Variants in RNF212B observed in about 807,000 individuals in gnomAD.
The protein encoded by RNF212B is E3 ubiquitin-protein ligase RNF212B.
A neutral mutation model predicts 55.5 loss-of-function variants in RNF212B; 52 were observed. The observed-to-expected ratio is 0.94, with a 90% CI of 0.75 to 1.18. The LOEUF is 1.18. RNF212B is among the 50% of genes most tolerant of loss of function. RNF212B has a pLI of 0.00. For missense variants in RNF212B, 289 were observed against 350.4 expected, an observed-to-expected ratio of 0.82 and a Z score of 1.40; for synonymous variants, 99 against 121.4, an observed-to-expected ratio of 0.82 and a Z score of 1.21.
chr14:23,213,584 C>A (rs1333978940), intron 2 of RNF212B, among the ~76,000 whole-genome samples: 1 of 152,128 alleles, frequency 6.6e-6, no homozygotes, highest in East Asian at 1.9e-4. Flanking sequence ...CACCCCGACT[C>A]GGCAGCAAGA....
intron 2 of RNF212B, among the ~76,000 whole-genome samples, chr14:23,197,289 G>A (rs1878812635): frequency 6.6e-6 from 1 of 152,264 alleles, no homozygotes. Flanking sequence ...CACTTTGGGA[G>A]GCTGAGGCAG....
chr14:23,255,660 T>A (rs1407258443), intron 4 of RNF212B, among the ~76,000 whole-genome samples: 1 of 151,774 alleles, frequency 6.6e-6, no homozygotes, highest in African/African-American at 2.4e-5. Context: ...GGACCAGGAG[T>A]TCAAGACCAG....
chr14:23,260,671 C>A lies in RNF212B; in HGVS notation c.418C>A (p.Arg140=). ...FLAILKESPS[R]YQGSRSITPR... The stretch of plus-strand genomic sequence containing the variant: ...TTTTCACCTATAGGAATCTCCAAGT[C>A]GGTACCAAGGAAGCAGGTCAGTTTT... The change falls in exon 7 of 15, where the codon CGG becomes AGG. Residue 140 remains arginine, a synonymous_variant. Transcript: ENST00000430154. 2 of 1,550,452 alleles carry A rather than the reference C, an allele frequency of 1.3e-6. No individual in the cohort carries two copies. The highest frequency in any genetic ancestry group is 1.7e-6 in the Non-Finnish European group (2 of 1,146,934).
chr14:23,268,348 T>C (rs1001400150), intron 11 of RNF212B, among the ~76,000 whole-genome samples: 2 of 152,200 alleles, frequency 1.3e-5, no homozygotes, highest in African/African-American at 4.8e-5. Context: ...AAGGCTATCA[T>C]GGAGGTGGAG....
At chr14:23,244,284 T>C in intron 3 of RNF212B, 38 bp from the exon 4 acceptor site, 5 of 1,199,174 alleles carry the variant, frequency 4.2e-6, no homozygotes, top group Non-Finnish European at 5.9e-6. Context: ...TTTATTCAAT[T>C]GTGGATATTC....
chr14:23,272,914 T>TA lies in RNF212B; in HGVS notation c.*24dup, dbSNP rs759080014. 7.1e-7 allele frequency: 1 copy of TA among 1,406,074 alleles called. No homozygotes were observed. Among genetic ancestry groups the TA allele is most frequent in the South Asian group, 1.3e-5 (1 of 76,694 alleles). The allele number at this position is 1,406,074 out of a possible 1,614,324, so 87.1% of individuals were successfully genotyped here. A position where few individuals can be genotyped will look rare whatever the true frequency, so the allele number is the denominator to read the frequency against. On this transcript the variant is annotated 3_prime_UTR_variant, in exon 15 of 15. Transcript: ENST00000430154. The stretch of plus-strand genomic sequence containing the variant: ...TAGATCATCTTCAAGATCTGATCTA[T>TA]ACATGCTGCTGAAGGATGGACTGTA...
intron 1 of RNF212B, chr14:23,188,254 G>A (rs1002820890): frequency 4.6e-5 from 7 of 152,202 alleles, no homozygotes; most frequent in African/African-American, 1.7e-4. Flanking sequence ...CATGGAGCCA[G>A]CCCAGCACTA....
intron 2 of RNF212B, among the ~76,000 whole-genome samples, chr14:23,202,166 G>A (rs1203227001): frequency 6.6e-6 from 1 of 150,930 alleles, no homozygotes; most frequent in African/African-American, 2.4e-5. Context: ...CAGGAGAACT[G>A]CTTGAACCCA....
chr14:23,244,055 G>A (rs1346807401), intron 3 of RNF212B, among the ~76,000 whole-genome samples: 2 of 152,010 alleles, frequency 1.3e-5, no homozygotes, highest in Non-Finnish European at 2.9e-5. Context: ...TCCAGCCTGG[G>A]TGACAACAGC....
chr14:23,215,070 AG>A (rs771688099), intron 2 of RNF212B, among the ~76,000 whole-genome samples: 12 of 152,166 alleles, frequency 7.9e-5, no homozygotes, highest in Non-Finnish European at 1.6e-4. Context: ...GTGTTGAGGG[AG>A]GGACCTGGTG....
chr14:23,238,777 A>ATC, intron 1 of RNF212B, among the ~76,000 whole-genome samples: 1 of 134,774 alleles, frequency 7.4e-6, no homozygotes, highest in East Asian at 2.1e-4. Flanking sequence ...TAATAATAAT[A>ATC]ATAATCCCAC....
chr14:23,250,544 A>C (rs35862886), intron 4 of RNF212B, among the ~76,000 whole-genome samples: 59,181 of 151,226 alleles, frequency 0.39, 11,709 homozygotes, highest in East Asian at 0.42. Context: ...ATATCTTGTA[A>C]GTACTTGTGT....
rs749692200 is a variant in RNF212B, at chr14:23,270,638, A to G, written c.811A>G (p.Ser271Gly). The G allele has an allele frequency of 2.1e-5, 33 of 1,550,394 alleles. No homozygotes were observed. Among genetic ancestry groups the G allele is most frequent in the Non-Finnish European group, 2.8e-5 (32 of 1,146,576 alleles). Residue 271 changes from serine (S) to glycine (G), a missense_variant, in exon 14 of 15, where the codon AGT becomes GGT. By Grantham distance (56) the Ser-to-Gly change is moderately conservative. Coordinates refer to ENST00000430154, the MANE Select transcript of RNF212B (RefSeq NM_001282322.3). ...ESTTTLESLP[S>G]FQLPVLQTLY... is the part of the protein sequence containing the mutation. Reference sequence around the variant, plus strand: ...CACAACTACACTAGAGAGTCTTCCTAGTTTCCAGCTACCAGTCCTGCAGGT... The same window carrying G: ...CACAACTACACTAGAGAGTCTTCCTGGTTTCCAGCTACCAGTCCTGCAGGT...
chr14:23,231,669 A>G (rs933064646), intron 2 of RNF212B, among the ~76,000 whole-genome samples: 2 of 148,910 alleles, frequency 1.3e-5, no homozygotes, highest in East Asian at 2.0e-4. Flanking sequence ...CTCTCTTTCC[A>G]TGGTCTCCCT....
At chr14:23,217,960 T>C (rs1212683771) in intron 2 of RNF212B, among the ~76,000 whole-genome samples, 1 of 152,030 alleles carries the variant, frequency 6.6e-6, no homozygotes, top group Non-Finnish European at 1.5e-5. Flanking sequence ...AAAATAGCTG[T>C]TTTAAGGAAC....
chr14:23,268,804 A>C, intron 11 of RNF212B, 120 bp from the exon 12 acceptor site: 2 of 767,000 alleles, frequency 2.6e-6, no homozygotes, highest in Non-Finnish European at 4.3e-6. Flanking sequence ...ATTAGCCCCC[A>C]ACCCTAACCC....
At chr14:23,261,739 A>T (rs909719607) in intron 7 of RNF212B, among the ~76,000 whole-genome samples, 4 of 152,166 alleles carry the variant, frequency 2.6e-5, no homozygotes, top group African/African-American at 9.7e-5. Flanking sequence ...AGGTGGGCGG[A>T]TCATGGGGTC....
At chr14:23,215,818 G>A (rs2140398420) in intron 2 of RNF212B, among the ~76,000 whole-genome samples, 1 of 152,170 alleles carries the variant, frequency 6.6e-6, no homozygotes, top group Non-Finnish European at 1.5e-5. Flanking sequence ...TAAAAACATG[G>A]GTAAATGTTG....
chr14:23,237,768 G>A (rs17128047), upstream of RNF212B, among the ~76,000 whole-genome samples: 6,015 of 152,204 alleles, frequency 0.04, 373 homozygotes, highest in African/African-American at 0.13. Context: ...TGGGCTGCTG[G>A]GAAAAGTCTC....
Sources: gnomAD v4.1 joint callset for allele counts (sites outside exome capture counted in the v4.1 genomes callset) on GRCh38, gnomAD v4.1.1 for gene constraint, MANE v1.5 for transcripts, NCBI Gene and HGNC (gene_info 2026-07-23, HGNC 2026-07-21) for gene names.